The following LRP1B variants were observed in gnomAD, a reference collection of about 807,000 sequenced individuals.
LRP1B encodes the protein LDL receptor related protein 1B.
Under a neutral mutation model 556.6 loss-of-function variants are expected in LRP1B, and 217 were observed. The observed-to-expected ratio is 0.39, with a 90% confidence interval of 0.35 to 0.44. The LOEUF is 0.44. LRP1B is among the 20% of genes least tolerant of loss of function. LRP1B has a pLI of 1.00. For synonymous variants in LRP1B, 2,047 were observed against 1,865.8 expected, an observed-to-expected ratio of 1.10 and a Z score of -2.50; for missense variants, 5,053 against 5,620.8, an observed-to-expected ratio of 0.90 and a Z score of 3.23.
chr2:141,221,200 G>A (rs964417230), intron 6 of LRP1B, among the ~76,000 whole-genome samples: 1 of 151,648 alleles, frequency 6.6e-6, no homozygotes, highest in Non-Finnish European at 1.5e-5. Context: ...ATAAAGGGAT[G>A]GAGGAAAATT....
chr2:141,960,411 C>T (rs1386074646), intron 1 of LRP1B, among the ~76,000 whole-genome samples: 1 of 151,830 alleles, frequency 6.6e-6, no homozygotes, highest in African/African-American at 2.4e-5. Context: ...CTCCATTTCC[C>T]GACTCAAATA....
chr2:140,423,727 A>G (rs1466313014), intron 66 of LRP1B, among the ~76,000 whole-genome samples: 1 of 152,144 alleles, frequency 6.6e-6, no homozygotes, highest in African/African-American at 2.4e-5. Context: ...CTAGAGCTTG[A>G]GGAATGTATC....
intron 60 of LRP1B, among the ~76,000 whole-genome samples, chr2:140,467,933 C>T (rs1687616863): frequency 6.6e-6 from 1 of 152,146 alleles, no homozygotes; most frequent in African/African-American, 2.4e-5. Context: ...GTCAGCCTGG[C>T]CATCTTGTTA....
At chr2:140,942,044 A>C (rs1232290686) in intron 20 of LRP1B, among the ~76,000 whole-genome samples, 2 of 152,214 alleles carry the variant, frequency 1.3e-5, no homozygotes, top group African/African-American at 4.8e-5. Context: ...CAGTGAAACA[A>C]GAATAATGAT....
chr2:141,846,531 C>T (rs1472197275), intron 1 of LRP1B, among the ~76,000 whole-genome samples: 1 of 151,382 alleles, frequency 6.6e-6, no homozygotes, highest in Non-Finnish European at 1.5e-5. Flanking sequence ...TCAATCTAAA[C>T]CATGTAAACC....
At chr2:140,923,172 A>T in intron 20 of LRP1B, 25 bp from the exon 21 acceptor site, 1 of 1,576,762 alleles carries the variant, frequency 6.3e-7, no homozygotes, top group Non-Finnish European at 8.7e-7. Flanking sequence ...AGGAAGAGAG[A>T]AGCAGAGGGG....
intron 2 of LRP1B, among the ~76,000 whole-genome samples, chr2:141,515,300 CAAAAGAA>C: frequency 8.9e-6 from 1 of 111,802 alleles, no homozygotes; most frequent in South Asian, 2.9e-4. Flanking sequence ...GGAACTCCGT[CAAAAGAA>C]AAAAAAAAAA....
chr2:141,285,615 C>A (rs1685685895), intron 3 of LRP1B, among the ~76,000 whole-genome samples: 1 of 148,430 alleles, frequency 6.7e-6, no homozygotes, highest in Non-Finnish European at 1.5e-5. Flanking sequence ...GCCACCAAGG[C>A]CGGCTGATTT....
At chr2:141,877,102 C>T (rs1196179282) in intron 1 of LRP1B, among the ~76,000 whole-genome samples, 1 of 151,882 alleles carries the variant, frequency 6.6e-6, no homozygotes, top group African/African-American at 2.4e-5. Flanking sequence ...AAGTTTCATC[C>T]TACGACCCAA....
At chr2:140,667,016 T>C (rs1015233215) in intron 41 of LRP1B, among the ~76,000 whole-genome samples, 1 of 152,202 alleles carries the variant, frequency 6.6e-6, no homozygotes, top group African/African-American at 2.4e-5. Flanking sequence ...TATCATATTC[T>C]CAGCAGAAAT....
At position 140,897,067 on chromosome 2, in the gene LRP1B, GA is replaced by G. The variant is rs1488558837; in HGVS notation, c.3766+5852del. On this transcript the variant is annotated intron_variant, in intron 23 of 90. Coordinates refer to ENST00000389484, the MANE Select transcript of LRP1B (RefSeq NM_018557.3). ...CAAAGTGCACTATACATTTCAGGAA[GA>G]GATTAATTACCAGAAGATTAAATTA... Among the ~76,000 whole-genome samples, 5 of 152,256 alleles carry G rather than the reference GA, an allele frequency of 3.3e-5. 1 individual carries two copies. The highest frequency in any genetic ancestry group is 1.2e-4 in the African/African-American group (5 of 41,556).
chr2:141,599,515 CTT>C (rs1687655045), intron 2 of LRP1B, among the ~76,000 whole-genome samples: 1 of 152,046 alleles, frequency 6.6e-6, no homozygotes, highest in African/African-American at 2.4e-5. Context: ...TCATATAAAA[CTT>C]TAGGGTAACC....
At chr2:140,602,728 G>GT (rs958519091) in intron 41 of LRP1B, among the ~76,000 whole-genome samples, 17 of 80,820 alleles carry the variant, frequency 2.1e-4, no homozygotes, top group African/African-American at 5.3e-4. Flanking sequence ...TTTGAACAAT[G>GT]TTTTTTTTCA....
chr2:142,014,380 C>A (rs1703053405), intron 1 of LRP1B, among the ~76,000 whole-genome samples: 1 of 152,026 alleles, frequency 6.6e-6, no homozygotes, highest in Non-Finnish European at 1.5e-5. Flanking sequence ...CATTTAGTAG[C>A]TTTTATTTGA....
chr2:141,696,310 TACTC>T (rs946777178), intron 2 of LRP1B, among the ~76,000 whole-genome samples: 1 of 151,976 alleles, frequency 6.6e-6, no homozygotes, highest in African/African-American at 2.4e-5. Flanking sequence ...ACCAATAAAA[TACTC>T]ATGTAACAGA....
intron 37 of LRP1B, among the ~76,000 whole-genome samples, chr2:140,705,279 T>A (rs1341052821): frequency 6.6e-6 from 1 of 151,770 alleles, no homozygotes; most frequent in Admixed American, 6.6e-5. Context: ...ATACTAACAC[T>A]TTGGGAGGCT....
chr2:141,445,269 T>A lies in LRP1B; in HGVS notation c.343+35127A>T, dbSNP rs536869275. On this transcript the variant is annotated intron_variant, in intron 3 of 90. Coordinates refer to ENST00000389484, the MANE Select transcript of LRP1B (RefSeq NM_018557.3). ...GTTTCTATTTCTGTGGGATCAGTGG[T>A]GTTATCCCCTTTATCATTTTTTATT... 1.8e-4 allele frequency among the ~76,000 whole-genome samples: 28 copies of A among 152,356 alleles called. No homozygotes were observed. The Middle Eastern group carries it at 0.017, about 93-fold the overall frequency.
chr2:141,677,309 A>G (rs538345166), intron 2 of LRP1B, among the ~76,000 whole-genome samples: 25 of 152,250 alleles, frequency 1.6e-4, no homozygotes, highest in African/African-American at 5.5e-4. Flanking sequence ...AAACAGAGGC[A>G]GGAAACTGAT....
At chr2:141,778,403 A>C (rs1695143312) in intron 2 of LRP1B, among the ~76,000 whole-genome samples, 2 of 152,210 alleles carry the variant, frequency 1.3e-5, no homozygotes, top group Non-Finnish European at 2.9e-5. Flanking sequence ...CACTCAAAAT[A>C]GTCCTATTTA....
Sources: allele counts gnomAD v4.1 joint callset (sites outside exome capture counted in the v4.1 genomes callset), GRCh38; gene constraint gnomAD v4.1.1; transcripts MANE v1.5; gene names NCBI Gene and HGNC (gene_info 2026-07-23, HGNC 2026-07-21).